ITPK1: variants seen among roughly 807,000 people sequenced by gnomAD.
ITPK1 encodes the protein inositol 1,3,4-trisphosphate 5/6-kinase.
In ITPK1, 21 loss-of-function variants were observed where a neutral mutation model predicts 45.3. The observed-to-expected ratio is 0.46, with a 90% CI of 0.33 to 0.67. The LOEUF (loss-of-function observed/expected upper bound fraction) is 0.67. Among genes scored for constraint, ITPK1 ranks in the 30% least tolerant of loss-of-function variants. The pLI, the probability that ITPK1 is intolerant of heterozygous loss-of-function variation, is 0.02. For missense variants in ITPK1, 474 were observed against 573.5 expected (o/e 0.83, Z 1.77); for synonymous variants, 258 against 253.6 (o/e 1.02, Z -0.16).
intron 2 of ITPK1, among the ~76,000 whole-genome samples, chr14:93,091,221 C>A (rs963439990): frequency 6.6e-6 from 1 of 152,236 alleles, no homozygotes; most frequent in Non-Finnish European, 1.5e-5. Flanking sequence ...TTTCAAGTGT[C>A]CCTTGTGGTG....
At chr14:93,053,571 C>T (rs1000813959) in intron 3 of ITPK1, among the ~76,000 whole-genome samples, 3 of 152,224 alleles carry the variant, frequency 2.0e-5, no homozygotes, top group African/African-American at 7.2e-5. Flanking sequence ...AGATGCAGGT[C>T]ACTATGCATG....
intron 2 of ITPK1, among the ~76,000 whole-genome samples, chr14:93,111,718 A>AC (rs1313665974): frequency 6.6e-6 from 1 of 151,638 alleles, no homozygotes; most frequent in Non-Finnish European, 1.5e-5. Flanking sequence ...CTCAAAAAAA[A>AC]AAAAAAAAAG....
chr14:93,114,410 G>C (rs986410309), intron 2 of ITPK1, among the ~76,000 whole-genome samples: 6 of 152,196 alleles, frequency 3.9e-5, no homozygotes, highest in Non-Finnish European at 7.3e-5. Context: ...CCACTCCCTA[G>C]CTGCGGGACC....
chr14:93,115,218 C>T lies in ITPK1; in HGVS notation c.-55G>A, dbSNP rs747949485. 1 of 1,328,042 alleles carries T rather than the reference C, an allele frequency of 7.5e-7. No individual in the cohort carries two copies. Among genetic ancestry groups the T allele is most frequent in the East Asian group, 2.5e-5 (1 of 39,282 alleles). The allele number at this position is 1,328,042 out of a possible 1,614,324, so 82.3% of individuals were successfully genotyped here. ...GGAGGAAATCGCCCACAGGCCGAGT[C>T]TGGCGGCCGGCGCGCGCCGCGAGCG... is the stretch of plus-strand genomic sequence containing the variant. On this transcript the variant is annotated 5_prime_UTR_variant, in exon 2 of 11. Coordinates refer to ENST00000267615, the MANE Select transcript of ITPK1 (RefSeq NM_014216.6).
chr14:92,992,335 G>GT (rs1385522277), intron 5 of ITPK1, among the ~76,000 whole-genome samples: 1 of 152,226 alleles, frequency 6.6e-6, no homozygotes, highest in African/African-American at 2.4e-5. Flanking sequence ...TGAGATGAAG[G>GT]TGACCCCAGG....
intron 4 of ITPK1, among the ~76,000 whole-genome samples, chr14:92,997,853 C>A (rs1887140319): frequency 6.6e-6 from 1 of 152,198 alleles, no homozygotes; most frequent in East Asian, 1.9e-4. Flanking sequence ...CCACCTACAG[C>A]GCAAGCTCTC....
intron 3 of ITPK1, among the ~76,000 whole-genome samples, chr14:93,035,630 T>C (rs1166322204): frequency 6.6e-6 from 1 of 152,186 alleles, no homozygotes; most frequent in African/African-American, 2.4e-5. Context: ...CGCAGAAACC[T>C]GTCTGGCTGC....
intron 3 of ITPK1, among the ~76,000 whole-genome samples, chr14:93,029,760 G>T (rs1044561772): frequency 6.6e-6 from 1 of 152,160 alleles, no homozygotes; most frequent in South Asian, 2.1e-4. Flanking sequence ...CATCTTGCAG[G>T]CCCCTTCCTC....
rs1338113865 is a variant in ITPK1, at chr14:92,941,792, G to A, written c.1014C>T (p.His338=). ...AATGDVALLR[H]SKLLAEPAGG... ...CCGCCGGCTCGGCCAGAAGCTTGCTGTGCCTCAGCAGGGCCACGTCCCCTG... is the reference window on the plus strand; with the variant it reads ...CCGCCGGCTCGGCCAGAAGCTTGCTATGCCTCAGCAGGGCCACGTCCCCTG... The change falls in exon 11 of 11, where the codon CAC becomes CAT. Residue 338 remains histidine (H), a synonymous_variant. Coordinates refer to ENST00000267615, the MANE Select transcript of ITPK1 (RefSeq NM_014216.6). The A allele has an allele frequency of 6.2e-7, 1 of 1,610,784 alleles. No individual in the cohort carries two copies. The highest frequency in any genetic ancestry group is 8.5e-7 in the Non-Finnish European group (1 of 1,179,422).
chr14:93,061,987 T>C lies in ITPK1; in HGVS notation c.120+14608A>G. Reference sequence around the variant, plus strand: ...ACAGAACCACAACTTTGTTTACAACTATGTCAAGGCTGGTGGCTCGCGCCT... The same window carrying C: ...ACAGAACCACAACTTTGTTTACAACCATGTCAAGGCTGGTGGCTCGCGCCT... On this transcript the variant is annotated intron_variant, in intron 3 of 10. Transcript: ENST00000267615. 1.3e-5 allele frequency among the ~76,000 whole-genome samples: 2 copies of C among 152,216 alleles called. 1 individual carries two copies. Among genetic ancestry groups the C allele is most frequent in the Non-Finnish European group, 2.9e-5 (2 of 68,040 alleles).
intron 2 of ITPK1, among the ~76,000 whole-genome samples, chr14:93,096,678 C>T (rs185929987): frequency 3.3e-5 from 5 of 152,302 alleles, no homozygotes; most frequent in African/African-American, 7.2e-5. Context: ...GCAGATTCAC[C>T]GCTGGTTTCC....
intron 2 of ITPK1, among the ~76,000 whole-genome samples, chr14:93,110,753 C>T (rs2140038969): frequency 6.6e-6 from 1 of 152,322 alleles, no homozygotes; most frequent in East Asian, 1.9e-4. Flanking sequence ...TCCAGAAACA[C>T]GTTTCTTGCA....
At chr14:93,103,896 C>A (rs1892421441) in intron 2 of ITPK1, among the ~76,000 whole-genome samples, 1 of 152,140 alleles carries the variant, frequency 6.6e-6, no homozygotes, top group African/African-American at 2.4e-5. Flanking sequence ...CCCGCCCTGC[C>A]CAGGAAGCAG....
chr14:93,090,451 C>T (rs1260721923), intron 2 of ITPK1, among the ~76,000 whole-genome samples: 1 of 152,166 alleles, frequency 6.6e-6, no homozygotes, highest in Non-Finnish European at 1.5e-5. Context: ...ACCTGAATGC[C>T]TCCCGTGTGA....
chr14:92,995,999 T>C (rs1226830599), intron 4 of ITPK1, among the ~76,000 whole-genome samples: 1 of 152,194 alleles, frequency 6.6e-6, no homozygotes, highest in Non-Finnish European at 1.5e-5. Flanking sequence ...CTTGTTCTTT[T>C]AAATGCAGTC....
rs1032169110 is a variant in ITPK1 at position 93,016,894 on chromosome 14, G to A, written c.121-93C>T. The stretch of plus-strand genomic sequence containing the variant: ...GTCCACCCTGGGGCATATCACCAGA[G>A]GACCCTCGAGCCTCCCTGTAGCACT... On this transcript the variant is annotated intron_variant, in intron 3 of 10. Coordinates refer to ENST00000267615, the MANE Select transcript of ITPK1 (RefSeq NM_014216.6). This position sits in a 1 kb window ranked among gnomAD's most constrained non-coding sequence, Gnocchi z 5.0. The A allele has an allele frequency of 3.3e-6, 5 of 1,536,652 alleles. No homozygotes were observed. In the African/African-American group the frequency reaches 5.4e-5, roughly 17 times the overall value.
intron 4 of ITPK1, among the ~76,000 whole-genome samples, chr14:93,013,063 G>A (rs532608011): frequency 5.3e-5 from 8 of 152,132 alleles, no homozygotes; most frequent in East Asian, 1.9e-4. Flanking sequence ...TAGTGTCCCC[G>A]AGCCTGAGGC....
chr14:93,003,885 G>A (rs149641980), intron 4 of ITPK1, among the ~76,000 whole-genome samples: 26 of 152,360 alleles, frequency 1.7e-4, no homozygotes, highest in Middle Eastern at 3.4e-3. Flanking sequence ...GTTTCTGAAA[G>A]TCACTTAAGT....
chr14:93,089,071 A>G (rs1008407325), intron 2 of ITPK1, among the ~76,000 whole-genome samples: 1 of 152,196 alleles, frequency 6.6e-6, no homozygotes, highest in Admixed American at 6.5e-5. Context: ...TTTCTGGAAC[A>G]GGGTTGTTCT....
Sources: allele counts gnomAD v4.1 joint callset (sites outside exome capture counted in the v4.1 genomes callset), GRCh38; gene constraint gnomAD v4.1.1; non-coding constraint Gnocchi (gnomAD v3.1); transcripts MANE v1.5; gene names NCBI Gene and HGNC (gene_info 2026-07-23, HGNC 2026-07-21).